The following EBF3 variants were observed in gnomAD, a reference collection of about 807,000 sequenced individuals.
The protein encoded by EBF3 is transcription factor COE3.
EBF3 carries 18 observed loss-of-function variants against 77.1 expected under a neutral mutation model. The ratio of observed to expected loss-of-function variants is 0.23; its 90% CI spans 0.16 to 0.35. EBF3 has a LOEUF of 0.35. EBF3 is among the 10% of genes least tolerant of loss of function. The pLI is 1.00. For synonymous variants in EBF3, 350 were observed against 343.5 expected, an observed-to-expected ratio of 1.02 and a Z score of -0.21; for missense variants, 558 against 860.0, an observed-to-expected ratio of 0.65 and a Z score of 4.39.
In EBF3 at chr10:129,837,769, T is replaced by C; in HGVS notation, c.*174A>G. On this transcript the variant is annotated 3_prime_UTR_variant, in exon 17 of 17. Coordinates refer to ENST00000440978, the MANE Select transcript of EBF3 (RefSeq NM_001375380.1). Reference sequence around the variant, plus strand: ...AGGCTGTTTGCATGTTGATTCTTAATAGTTTAAATAAAATCTTTAAACAAA... The same window carrying C: ...AGGCTGTTTGCATGTTGATTCTTAACAGTTTAAATAAAATCTTTAAACAAA... The C allele has an allele frequency of 4.0e-6, 3 of 757,766 alleles. No homozygotes were observed. The highest frequency in any genetic ancestry group is 2.7e-5 in the Admixed American group (1 of 37,582). 46.9% of individuals were successfully genotyped at this position (757,766 alleles called of 1,614,324 possible). A position where few individuals can be genotyped will look rare whatever the true frequency, so the allele number is the denominator to read the frequency against.
chr10:129,855,343 T>A lies in EBF3; in HGVS notation c.1040-6863A>T, dbSNP rs186902564. Among the ~76,000 whole-genome samples the A allele has an allele frequency of 1.4e-4, 21 of 152,356 alleles. No homozygotes were observed. The East Asian group carries it at 4.1e-3, about 29-fold the overall frequency. ...CAGGCACAGAAAAGGGGACAGCTCA[T>A]CTTCCTTGTACCAAAATAATACCCT... On this transcript the variant is annotated intron_variant, in intron 10 of 16. Transcript: ENST00000440978.
chr10:129,883,233 C>T (rs1446814899), intron 6 of EBF3, among the ~76,000 whole-genome samples: 1 of 152,156 alleles, frequency 6.6e-6, no homozygotes, highest in African/African-American at 2.4e-5. Context: ...GAAAAGACGC[C>T]TCATCAAACC....
In EBF3 at chr10:129,848,233, G is replaced by A. The variant is rs1217366132; in HGVS notation, c.1128+159C>T. 6.6e-6 allele frequency among the ~76,000 whole-genome samples: 1 copy of A among 152,194 alleles called. No homozygotes were observed. Among genetic ancestry groups the A allele is most frequent in the Non-Finnish European group, 1.5e-5 (1 of 68,036 alleles). ...CGCCCACCTCTGAAGCTGGTCAGGT[G>A]CGGGCCCGGGCAGCTCCTCACACCT... On this transcript the variant is annotated intron_variant, in intron 11 of 16. Transcript: ENST00000440978. The surrounding 1 kb of genome is among the most constrained non-coding windows in gnomAD (Gnocchi z 4.4).
At chr10:129,920,102 C>T (rs1240504345) in intron 6 of EBF3, among the ~76,000 whole-genome samples, 2 of 45,360 alleles carry the variant, frequency 4.4e-5, no homozygotes, top group African/African-American at 7.8e-5. Context: ...GGCCACAAAC[C>T]CGCCCCACTG....
At chr10:129,928,169 C>T (rs754814302) in intron 6 of EBF3, among the ~76,000 whole-genome samples, 2 of 152,188 alleles carry the variant, frequency 1.3e-5, no homozygotes, top group African/African-American at 4.8e-5. Flanking sequence ...ACCTGACAGA[C>T]GTGTGAACAG....
intron 15 of EBF3, among the ~76,000 whole-genome samples, chr10:129,839,859 C>G (rs553753603): frequency 6.6e-6 from 1 of 152,190 alleles, no homozygotes; most frequent in Non-Finnish European, 1.5e-5. Flanking sequence ...CAGCATCCTG[C>G]GCTGAGAAGT....
intron 16 of EBF3, 59 bp from the exon 17 acceptor site, chr10:129,838,019 C>T (rs567269127): frequency 2.1e-5 from 34 of 1,606,748 alleles, no homozygotes; most frequent in South Asian, 2.0e-4. Flanking sequence ...CTCCCGCCAA[C>T]GCTGACGCGG....
At chr10:129,930,493 T>A (rs183549474) in intron 6 of EBF3, among the ~76,000 whole-genome samples, 3,708 of 139,722 alleles carry the variant, frequency 0.027, 114 homozygotes, top group African/African-American at 0.11. Flanking sequence ...CCCCCTCTCA[T>A]ATATCTATAT....
chr10:129,954,035 G>A (rs2134589975), intron 6 of EBF3, among the ~76,000 whole-genome samples: 1 of 152,292 alleles, frequency 6.6e-6, no homozygotes, highest in South Asian at 2.1e-4. Context: ...ATTCCACGAG[G>A]AAAATGATAC....
In EBF3 at chr10:129,842,723, T is replaced by TA. The variant is rs564900151; in HGVS notation, c.1194+413dup. ...AGGTTGCAGTGAACCGACACTGCCC[T>TA]ACTGCACTCCAGCCTGGGTGACAGA... On this transcript the variant is annotated intron_variant, in intron 12 of 16. Coordinates refer to ENST00000440978, the MANE Select transcript of EBF3 (RefSeq NM_001375380.1). This position sits in a 1 kb window ranked among gnomAD's most constrained non-coding sequence, Gnocchi z 4.4. Among the ~76,000 whole-genome samples the TA allele has an allele frequency of 2.6e-4, 37 of 142,090 alleles. No homozygotes were observed. The South Asian group carries it at 5.9e-3, about 23-fold the overall frequency. The allele number at this position is 142,090 out of a possible 152,430, so 93.2% of individuals were successfully genotyped here.
chr10:129,847,176 G>T (rs1005017672), intron 11 of EBF3, among the ~76,000 whole-genome samples: 2 of 152,088 alleles, frequency 1.3e-5, no homozygotes, highest in African/African-American at 4.8e-5. Context: ...GCAGCTGCTG[G>T]GGTGTCTTCC....
intron 6 of EBF3, among the ~76,000 whole-genome samples, chr10:129,915,362 C>A (rs1234309117): frequency 1.3e-5 from 2 of 152,084 alleles, no homozygotes; most frequent in East Asian, 1.9e-4. Context: ...AGTGAGAAAC[C>A]TCAACTCCCA....
chr10:129,840,183 C>CCCAACCCA, intron 15 of EBF3, 62 bp downstream of exon 15: 6 of 1,325,410 alleles, frequency 4.5e-6, no homozygotes, highest in Non-Finnish European at 6.3e-6. Flanking sequence ...CCCCCACCCC[C>CCCAACCCA]ACTCCCATCC....
chr10:129,955,928 G>C (rs1447700861), intron 6 of EBF3, among the ~76,000 whole-genome samples: 2 of 152,148 alleles, frequency 1.3e-5, no homozygotes, highest in African/African-American at 4.8e-5. Context: ...TCAGTTACAA[G>C]ACAATAATCT....
intron 8 of EBF3, among the ~76,000 whole-genome samples, chr10:129,871,135 C>T (rs556306272): frequency 3.9e-5 from 6 of 152,300 alleles, no homozygotes; most frequent in East Asian, 1.9e-4. Context: ...TAAACCTAAC[C>T]GCATTACGGC....
At chr10:129,942,577 C>T (rs1295355280) in intron 6 of EBF3, among the ~76,000 whole-genome samples, 2 of 152,170 alleles carry the variant, frequency 1.3e-5, no homozygotes, top group Non-Finnish European at 2.9e-5. Context: ...GCAAAGCAGA[C>T]AACTCGGGCC....
Position 129,958,806 on chromosome 10 carries a change from C to T in EBF3, c.485+128G>A, listed in dbSNP as rs538265021. ...CGCGGCCCGGCGCGCGGCCTCGGGC[C>T]GATTACATTTCAATCGATGCCCTTC... On this transcript the variant is annotated intron_variant, in intron 5 of 16. Transcript: ENST00000440978. The T allele has an allele frequency of 1.2e-4, 158 of 1,290,720 alleles. 6 individuals are homozygous for T. In the South Asian group the frequency reaches 2.5e-3, roughly 21 times the overall value. The allele number at this position is 1,290,720 out of a possible 1,614,324, so 80.0% of individuals were successfully genotyped here.
chr10:129,957,388 A>T (rs202169887), intron 5 of EBF3, 62 bp from the exon 6 acceptor site: 433 of 1,162,738 alleles, frequency 3.7e-4, no homozygotes, highest in Admixed American at 1.1e-3. Flanking sequence ...CCCGACTTGT[A>T]TTTTTTTTTT....
At chr10:129,949,374 C>T (rs1327476589) in intron 6 of EBF3, among the ~76,000 whole-genome samples, 2 of 152,198 alleles carry the variant, frequency 1.3e-5, no homozygotes, top group Admixed American at 1.3e-4. Context: ...GAGCCCCTCC[C>T]TAAACCAGTG....
Sources: gnomAD v4.1 joint callset for allele counts (sites outside exome capture counted in the v4.1 genomes callset) on GRCh38, gnomAD v4.1.1 for gene constraint, Gnocchi (gnomAD v3.1) non-coding constraint, MANE v1.5 for transcripts, NCBI Gene and HGNC (gene_info 2026-07-23, HGNC 2026-07-21) for gene names.